DLG2: variants seen among roughly 807,000 people sequenced by gnomAD.
DLG2 encodes disks large homolog 2.
DLG2 carries 45 observed loss-of-function variants against 132.5 expected under a neutral mutation model. That is an observed-to-expected ratio of 0.34 (90% CI 0.27 to 0.44). The LOEUF is 0.44. Among genes scored for constraint, DLG2 ranks in the 20% least tolerant of loss-of-function variants. DLG2 has a pLI of 1.00. For synonymous variants in DLG2, 424 were observed against 419.6 expected (o/e 1.01, Z -0.13); for missense variants, 1,045 against 1,196.9 (o/e 0.87, Z 1.87).
rs2089277746 is a variant in DLG2, at chr11:83,963,106, A to C, written c.1202-83T>G. On this transcript the variant is annotated intron_variant, in intron 13 of 27. Transcript: ENST00000376104. ...ATGCTATACTTCAGAAAAATGTATT[A>C]AAAACAGAAAGGCTTTGCTGCATGC... The C allele has an allele frequency of 2.9e-5, 43 of 1,469,186 alleles. No homozygotes were observed. The East Asian group carries it at 9.8e-4, about 33-fold the overall frequency. The allele number at this position is 1,469,186 out of a possible 1,614,324, so 91.0% of individuals were successfully genotyped here.
chr11:84,380,454 G>C (rs1024790752), intron 7 of DLG2, among the ~76,000 whole-genome samples: 15 of 152,066 alleles, frequency 9.9e-5, no homozygotes, highest in Middle Eastern at 3.4e-3. Context: ...TAAAGAAATA[G>C]CTTTGAAAAC....
chr11:85,302,945 C>A (rs2079692938), intron 3 of DLG2, among the ~76,000 whole-genome samples: 1 of 152,142 alleles, frequency 6.6e-6, no homozygotes, highest in South Asian at 2.1e-4. Flanking sequence ...GTTATTATCT[C>A]CATTTCACAA....
intron 8 of DLG2, among the ~76,000 whole-genome samples, chr11:84,242,658 G>A (rs936471652): frequency 2.0e-5 from 3 of 151,966 alleles, no homozygotes; most frequent in South Asian, 2.1e-4. Flanking sequence ...TGCCCACCTC[G>A]GCCTCCCATA....
intron 6 of DLG2, among the ~76,000 whole-genome samples, chr11:84,589,838 G>C (rs2099538697): frequency 6.6e-6 from 1 of 152,140 alleles, no homozygotes; most frequent in Non-Finnish European, 1.5e-5. Context: ...AATATACATG[G>C]AAATAAACTA....
chr11:84,808,155 G>A (rs1452384104), intron 6 of DLG2, among the ~76,000 whole-genome samples: 2 of 151,824 alleles, frequency 1.3e-5, no homozygotes, highest in Non-Finnish European at 2.9e-5. Context: ...TATCTGACCA[G>A]AAAAAAGCAA....
chr11:85,157,315 GA>G (rs1220927480), intron 4 of DLG2, among the ~76,000 whole-genome samples: 1 of 152,138 alleles, frequency 6.6e-6, no homozygotes, highest in Non-Finnish European at 1.5e-5. Flanking sequence ...TATTAAGGAT[GA>G]AGTCCTTTCA....
intron 8 of DLG2, among the ~76,000 whole-genome samples, chr11:84,219,250 T>G (rs2154322326): frequency 6.6e-6 from 1 of 152,326 alleles, no homozygotes; most frequent in African/African-American, 2.4e-5. Flanking sequence ...CTTGGTTATT[T>G]TTACAACATT....
chr11:83,527,190 A>G (rs2095629806), intron 21 of DLG2, among the ~76,000 whole-genome samples: 1 of 152,200 alleles, frequency 6.6e-6, no homozygotes, highest in South Asian at 2.1e-4. Context: ...TCAGGATTTA[A>G]GTTTATGCCC....
intron 6 of DLG2, among the ~76,000 whole-genome samples, chr11:84,756,611 T>G (rs1416504383): frequency 6.6e-6 from 1 of 152,230 alleles, no homozygotes; most frequent in Non-Finnish European, 1.5e-5. Flanking sequence ...TAATATTATG[T>G]GTAGATTCTA....
chr11:84,263,310 A>C (rs1419950484), intron 7 of DLG2, among the ~76,000 whole-genome samples: 2 of 152,294 alleles, frequency 1.3e-5, no homozygotes, highest in Non-Finnish European at 2.9e-5. Flanking sequence ...GTTAGGAGAC[A>C]GGACATTAAG....
intron 3 of DLG2, among the ~76,000 whole-genome samples, chr11:85,579,398 TA>T (rs201852438): frequency 6.7e-6 from 1 of 150,270 alleles, no homozygotes; most frequent in Non-Finnish European, 1.5e-5. Flanking sequence ...AAGTTAAATT[TA>T]AAAAAAAAGA....
Position 85,012,139 on chromosome 11 carries a change from T to TGGAGAAACTCCATTTCTACTAAA in DLG2, c.357+99521_357+99522insTTTAGTAGAAATGGAGTTTCTCC, listed in dbSNP as rs1566644270. 9.3e-3 allele frequency among the ~76,000 whole-genome samples: 742 copies of TGGAGAAACTCCATTTCTACTAAA among 79,912 alleles called. 78 individuals are homozygous for TGGAGAAACTCCATTTCTACTAAA. Among genetic ancestry groups the TGGAGAAACTCCATTTCTACTAAA allele is most frequent in the Middle Eastern group, 0.023 (4 of 176 alleles). The allele number at this position is 79,912 out of a possible 152,430, so 52.4% of individuals were successfully genotyped here. On this transcript the variant is annotated intron_variant, in intron 6 of 27. Transcript: ENST00000376104. ...GAGTTCGAGACCAGCCTGACCAACA[T>TGGAGAAACTCCATTTCTACTAAA]AATCTATGTGAAATGACCTAGATAA...
chr11:85,296,905 G>A (rs903565410), intron 3 of DLG2, among the ~76,000 whole-genome samples: 7 of 148,946 alleles, frequency 4.7e-5, no homozygotes, highest in Non-Finnish European at 7.4e-5. Flanking sequence ...TTATATTATT[G>A]TACAAAATGA....
At chr11:83,888,288 C>G (rs563481829) in intron 15 of DLG2, among the ~76,000 whole-genome samples, 2 of 152,268 alleles carry the variant, frequency 1.3e-5, no homozygotes, top group East Asian at 3.9e-4. Context: ...AAATCACAAG[C>G]ATTCTTATAC....
intron 6 of DLG2, among the ~76,000 whole-genome samples, chr11:84,694,277 C>A (rs954220305): frequency 6.6e-6 from 1 of 151,372 alleles, no homozygotes; most frequent in Non-Finnish European, 1.5e-5. Context: ...TGGGAGAACA[C>A]AAAACACCAT....
chr11:83,857,661 G>C (rs539277852), intron 16 of DLG2, among the ~76,000 whole-genome samples: 1 of 152,258 alleles, frequency 6.6e-6, no homozygotes, highest in Non-Finnish European at 1.5e-5. Context: ...AAAAGTGAAC[G>C]CTAATGTAAG....
At chr11:85,110,493 T>C (rs1006443235) in intron 6 of DLG2, among the ~76,000 whole-genome samples, 9 of 152,024 alleles carry the variant, frequency 5.9e-5, no homozygotes, top group Non-Finnish European at 1.3e-4. Context: ...GCATGCACTC[T>C]CCTCTGATCA....
In DLG2 at chr11:84,662,768, T is replaced by C. The variant is rs553582958; in HGVS notation, c.358-128037A>G. Among the ~76,000 whole-genome samples, 20 of 112,804 alleles carry C rather than the reference T, an allele frequency of 1.8e-4. No homozygotes were observed. In the South Asian group the frequency reaches 2.7e-3, roughly 15 times the overall value. The allele number at this position is 112,804 out of a possible 152,430, so 74.0% of individuals were successfully genotyped here. A position where few individuals can be genotyped will look rare whatever the true frequency, so the allele number is the denominator to read the frequency against. On this transcript the variant is annotated intron_variant, in intron 6 of 27. Coordinates refer to ENST00000376104, the MANE Select transcript of DLG2 (RefSeq NM_001142699.3). Reference sequence around the variant, plus strand: ...AGCCACTGCACTCCAGCCTGGTCAATAGAGCAAGACTCTGTCACAAAAAAA... The same window carrying C: ...AGCCACTGCACTCCAGCCTGGTCAACAGAGCAAGACTCTGTCACAAAAAAA...
At chr11:84,205,111 T>C (rs1369193686) in intron 8 of DLG2, among the ~76,000 whole-genome samples, 2 of 152,192 alleles carry the variant, frequency 1.3e-5, no homozygotes, top group Non-Finnish European at 2.9e-5. Flanking sequence ...AAGGAGATGA[T>C]GTAGACTGTA....
Sources: allele counts gnomAD v4.1 joint callset (sites outside exome capture counted in the v4.1 genomes callset), GRCh38; gene constraint gnomAD v4.1.1; transcripts MANE v1.5; gene names NCBI Gene and HGNC (gene_info 2026-07-23, HGNC 2026-07-21).